The following ATP8B4 variants were observed in gnomAD, a reference collection of about 807,000 sequenced individuals.
ATP8B4 encodes the protein ATPase phospholipid transporting 8B4 (putative), also known as probable phospholipid-transporting ATPase IM.
Under a neutral mutation model 145.6 loss-of-function variants are expected in ATP8B4, and 133 were observed. The ratio of observed to expected loss-of-function variants is 0.91; its 90% CI spans 0.79 to 1.05. ATP8B4 has a LOEUF of 1.05. Among genes scored for constraint, ATP8B4 ranks in the 50% least tolerant of loss-of-function variants. The pLI is 0.00. For synonymous variants in ATP8B4, 507 were observed against 492.9 expected (o/e 1.03, Z -0.38); for missense variants, 1,458 against 1,425.2 (o/e 1.02, Z -0.37).
chr15:50,096,097 C>T (rs1052760181), intron 2 of ATP8B4, among the ~76,000 whole-genome samples: 7 of 152,086 alleles, frequency 4.6e-5, no homozygotes, highest in Non-Finnish European at 2.9e-5. Flanking sequence ...CTCTGAGGAA[C>T]AAAGTGAACA....
At chr15:50,156,210 G>GT (rs2044417520) in intron 1 of ATP8B4, among the ~76,000 whole-genome samples, 1 of 147,660 alleles carries the variant, frequency 6.8e-6, no homozygotes, top group Non-Finnish European at 1.5e-5. Context: ...AGATGTTTTT[G>GT]TTTTGTTTTG....
intron 14 of ATP8B4, among the ~76,000 whole-genome samples, chr15:49,951,688 T>A (rs1239800621): frequency 6.6e-6 from 1 of 152,190 alleles, no homozygotes; most frequent in African/African-American, 2.4e-5. Context: ...TTTAGCTCAT[T>A]TATATTTAAG....
intron 7 of ATP8B4, among the ~76,000 whole-genome samples, chr15:50,008,058 C>T (rs749048601): frequency 1.3e-5 from 2 of 152,150 alleles, no homozygotes; most frequent in Admixed American, 6.5e-5. Context: ...AGGTCTGTGG[C>T]CCAAATGGGC....
intron 20 of ATP8B4, among the ~76,000 whole-genome samples, chr15:49,910,840 T>A (rs1326433080): frequency 6.6e-6 from 1 of 152,064 alleles, no homozygotes; most frequent in African/African-American, 2.4e-5. Context: ...ATAAAGTCTT[T>A]CCCAGACAAG....
chr15:49,998,131 T>A (rs1177817540), intron 8 of ATP8B4, among the ~76,000 whole-genome samples: 1 of 152,188 alleles, frequency 6.6e-6, no homozygotes, highest in Non-Finnish European at 1.5e-5. Flanking sequence ...TTTGAATTAC[T>A]TCCTCAGGAT....
chr15:49,930,210 C>T (rs1040884051), intron 16 of ATP8B4, among the ~76,000 whole-genome samples: 2 of 151,882 alleles, frequency 1.3e-5, no homozygotes, highest in African/African-American at 2.4e-5. Context: ...TTTTCTGATG[C>T]AGGAGAGTAA....
chr15:50,085,199 T>C (rs373746192), intron 2 of ATP8B4, among the ~76,000 whole-genome samples: 2 of 152,276 alleles, frequency 1.3e-5, no homozygotes. Context: ...CTAAACAAGC[T>C]TCAGCTCACC....
chr15:50,162,454 A>G (rs2044534221), intron 1 of ATP8B4, among the ~76,000 whole-genome samples: 1 of 152,118 alleles, frequency 6.6e-6, no homozygotes, highest in Non-Finnish European at 1.5e-5. Context: ...AATGACTCTT[A>G]GATTTGCCCT....
At chr15:49,987,316 A>G (rs934294478) in intron 10 of ATP8B4, 75 bp downstream of exon 10, 2 of 1,504,824 alleles carry the variant, frequency 1.3e-6, no homozygotes, top group South Asian at 1.3e-5. Flanking sequence ...ATCAGAACAC[A>G]GAGAATCATA....
intron 1 of ATP8B4, among the ~76,000 whole-genome samples, chr15:50,149,739 C>T (rs2044323243): frequency 6.6e-6 from 1 of 152,076 alleles, no homozygotes; most frequent in African/African-American, 2.4e-5. Flanking sequence ...AAGCACATGC[C>T]ATAGTAAACT....
At chr15:49,900,462 G>C (rs1171595752) in intron 21 of ATP8B4, among the ~76,000 whole-genome samples, 1 of 152,164 alleles carries the variant, frequency 6.6e-6, no homozygotes, top group Admixed American at 6.5e-5. Flanking sequence ...CGTAATTGGA[G>C]CTTTTGTATT....
chr15:49,949,403 C>T (rs1402239816), intron 14 of ATP8B4, among the ~76,000 whole-genome samples: 1 of 152,032 alleles, frequency 6.6e-6, no homozygotes, highest in Non-Finnish European at 1.5e-5. Flanking sequence ...TTGCTGTATT[C>T]CTTGGTATTT....
intron 1 of ATP8B4, among the ~76,000 whole-genome samples, chr15:50,176,064 T>A: frequency 7.1e-6 from 1 of 139,888 alleles, no homozygotes; most frequent in South Asian, 2.2e-4. Flanking sequence ...TACCGCAGAG[T>A]ATATATATAT....
intron 1 of ATP8B4, among the ~76,000 whole-genome samples, chr15:50,161,687 G>C (rs1254572393): frequency 6.6e-6 from 1 of 151,190 alleles, no homozygotes; most frequent in Non-Finnish European, 1.5e-5. Context: ...TTACCTTTTT[G>C]TTTTTTCTAT....
chr15:50,161,340 A>T (rs1351771306), intron 1 of ATP8B4, among the ~76,000 whole-genome samples: 2 of 151,998 alleles, frequency 1.3e-5, no homozygotes, highest in African/African-American at 4.8e-5. Context: ...ATGTCTTTTC[A>T]TTGGAGAGTT....
At chr15:49,881,712 T>C (rs2035449849) in intron 23 of ATP8B4, among the ~76,000 whole-genome samples, 1 of 152,116 alleles carries the variant, frequency 6.6e-6, no homozygotes, top group Non-Finnish European at 1.5e-5. Flanking sequence ...CCCCCCTGGG[T>C]ATTTAGCAGA....
intron 3 of ATP8B4, among the ~76,000 whole-genome samples, chr15:50,053,135 C>T (rs1162440383): frequency 1.3e-5 from 2 of 152,190 alleles, no homozygotes; most frequent in African/African-American, 4.8e-5. Flanking sequence ...CAAGCTCTTA[C>T]TATGTGTACT....
rs775798246 is a variant in ATP8B4 at position 50,095,641 on chromosome 15, G to A, written c.28+11298C>T. On this transcript the variant is annotated intron_variant, in intron 2 of 27. Coordinates refer to ENST00000284509, the MANE Select transcript of ATP8B4 (RefSeq NM_024837.4). ...GTGTGGTGGCACAGTTGTAGATGTG[G>A]CTACTTGGGAGGCTGAAGTGGGAGG... is the stretch of plus-strand genomic sequence containing the variant. Among the ~76,000 whole-genome samples the A allele has an allele frequency of 3.9e-5, 6 of 152,102 alleles. No homozygotes were observed. The South Asian group carries it at 8.3e-4, about 21-fold the overall frequency.
chr15:49,948,717 G>C (rs1001771313), intron 14 of ATP8B4, among the ~76,000 whole-genome samples: 1 of 152,150 alleles, frequency 6.6e-6, no homozygotes, highest in African/African-American at 2.4e-5. Flanking sequence ...CAGATGGGTA[G>C]ATTGCAAAAT....
Sources: gnomAD v4.1 joint callset for allele counts (sites outside exome capture counted in the v4.1 genomes callset) on GRCh38, gnomAD v4.1.1 for gene constraint, MANE v1.5 for transcripts, NCBI Gene and HGNC (gene_info 2026-07-23, HGNC 2026-07-21) for gene names.